Variants in MAPK10 observed in about 807,000 individuals in gnomAD.
MAPK10 encodes the protein JNK3 alpha protein kinase.
A neutral mutation model predicts 59.3 loss-of-function variants in MAPK10; 25 were observed. The ratio of observed to expected loss-of-function variants is 0.42; its 90% CI spans 0.31 to 0.59. MAPK10 has a LOEUF of 0.59. Ranked by LOEUF, MAPK10 falls within the 20% of genes least tolerant of loss-of-function variation. The pLI, the probability that MAPK10 is intolerant of heterozygous loss-of-function variation, is 0.15. For synonymous variants in MAPK10, 190 were observed against 200.5 expected (o/e 0.95, Z 0.44); for missense variants, 351 against 568.9 (o/e 0.62, Z 3.90).
At chr4:86,155,102 C>A (rs2067377560) in intron 4 of MAPK10, among the ~76,000 whole-genome samples, 1 of 151,966 alleles carries the variant, frequency 6.6e-6, no homozygotes, top group Admixed American at 6.6e-5. Flanking sequence ...AAATCAAATT[C>A]ATCATCAAAA....
At chr4:86,166,893 CAT>C (rs1285497710) in intron 3 of MAPK10, among the ~76,000 whole-genome samples, 1 of 151,750 alleles carries the variant, frequency 6.6e-6, no homozygotes, top group Non-Finnish European at 1.5e-5. Flanking sequence ...AATAGAAAAA[CAT>C]AGAGACACAA....
upstream of MAPK10, among the ~76,000 whole-genome samples, chr4:86,456,519 C>G (rs1395592695): frequency 6.6e-6 from 1 of 152,060 alleles, no homozygotes; most frequent in East Asian, 1.9e-4. Context: ...TTCAAGGCTA[C>G]TATGAACACC....
intron 1 of MAPK10, among the ~76,000 whole-genome samples, chr4:86,405,452 G>A (rs958634209): frequency 4.6e-5 from 7 of 152,022 alleles, no homozygotes; most frequent in Non-Finnish European, 8.8e-5. Flanking sequence ...AGTCCAAAGA[G>A]GTACCAGTAT....
At chr4:86,030,624 C>T (rs2038817687) in intron 12 of MAPK10, among the ~76,000 whole-genome samples, 1 of 152,158 alleles carries the variant, frequency 6.6e-6, no homozygotes, top group Non-Finnish European at 1.5e-5. Context: ...TGAGTCATCG[C>T]TCCTGGCCCT....
At chr4:86,439,010 C>T (rs1242473963) in intron 1 of MAPK10, among the ~76,000 whole-genome samples, 1 of 152,156 alleles carries the variant, frequency 6.6e-6, no homozygotes, top group Non-Finnish European at 1.5e-5. Context: ...TCGATGGCTG[C>T]AATGTGCATT....
At chr4:86,365,028 T>C (rs186130008), upstream of MAPK10, among the ~76,000 whole-genome samples, 9 of 152,300 alleles carry the variant, frequency 5.9e-5, no homozygotes, top group Non-Finnish European at 8.8e-5. Context: ...ATTGGGATTA[T>C]TATGTTTGTC....
At chr4:86,091,616 G>C (rs938442873) in intron 9 of MAPK10, 3 of 136,114 alleles carry the variant, frequency 2.2e-5, no homozygotes, top group Non-Finnish European at 3.1e-5. Flanking sequence ...ACAACAGATG[G>C]CCTAAATTAA....
At chr4:86,138,415 A>C (rs2062758531) in intron 4 of MAPK10, among the ~76,000 whole-genome samples, 3 of 116,540 alleles carry the variant, frequency 2.6e-5, no homozygotes, top group Admixed American at 1.0e-4. Context: ...CAGCATATAA[A>C]CAGAGCCAAA....
chr4:86,444,026 AT>A (rs199777883), intron 1 of MAPK10, among the ~76,000 whole-genome samples: 1 of 151,534 alleles, frequency 6.6e-6, no homozygotes, highest in Non-Finnish European at 1.5e-5. Context: ...GAAACTGAAA[AT>A]TTAAAAAAAA....
At chr4:86,309,255 C>A (rs890178191) in intron 2 of MAPK10, among the ~76,000 whole-genome samples, 1 of 152,062 alleles carries the variant, frequency 6.6e-6, no homozygotes, top group Non-Finnish European at 1.5e-5. Flanking sequence ...TAAAGCAGTC[C>A]CACATTCCCC....
At chr4:86,394,621 G>A (rs1295411154) in intron 1 of MAPK10, among the ~76,000 whole-genome samples, 1 of 152,072 alleles carries the variant, frequency 6.6e-6, no homozygotes, top group Admixed American at 6.6e-5. Flanking sequence ...AGAAGATAAA[G>A]TTCACTTGGA....
chr4:86,053,113 C>G (rs974847921), intron 11 of MAPK10, among the ~76,000 whole-genome samples: 1 of 152,094 alleles, frequency 6.6e-6, no homozygotes, highest in African/African-American at 2.4e-5. Flanking sequence ...TTAAAGTAAA[C>G]CTTTAGGAAC....
chr4:86,093,370 CAAG>C (rs1296522046), intron 9 of MAPK10, among the ~76,000 whole-genome samples: 1 of 151,686 alleles, frequency 6.6e-6, no homozygotes, highest in Non-Finnish European at 1.5e-5. Flanking sequence ...CACACAATAG[CAAG>C]AAGATTTAAT....
chr4:86,108,940 C>A (rs1362915692), intron 4 of MAPK10, among the ~76,000 whole-genome samples: 1 of 152,196 alleles, frequency 6.6e-6, no homozygotes, highest in Non-Finnish European at 1.5e-5. Flanking sequence ...CAGTCCCCTA[C>A]CATCACTTGT....
chr4:86,165,747 T>A (rs77880980), intron 3 of MAPK10, among the ~76,000 whole-genome samples: 1 of 151,682 alleles, frequency 6.6e-6, no homozygotes, highest in African/African-American at 2.4e-5. Flanking sequence ...TACTTAGTGA[T>A]ATTTAGGATT....
At chr4:86,547,421 G>A (rs1385715951) in intron 1 of MAPK10, among the ~76,000 whole-genome samples, 1 of 152,252 alleles carries the variant, frequency 6.6e-6, no homozygotes, top group Non-Finnish European at 1.5e-5. Context: ...GCCCGGGGCA[G>A]TGAGGGGTTT....
At chr4:86,267,290 G>A (rs139634518) in intron 2 of MAPK10, among the ~76,000 whole-genome samples, 197 of 152,170 alleles carry the variant, frequency 1.3e-3, no homozygotes, top group African/African-American at 4.6e-3. Flanking sequence ...CTAACAAAGC[G>A]TCAGAATCAA....
At chr4:86,411,819 A>G (rs1379337535) in intron 1 of MAPK10, among the ~76,000 whole-genome samples, 1 of 152,064 alleles carries the variant, frequency 6.6e-6, no homozygotes, top group Non-Finnish European at 1.5e-5. Context: ...GCTCTCTTAA[A>G]CACAGCACAC....
intron 2 of MAPK10, among the ~76,000 whole-genome samples, chr4:86,214,546 T>C (rs1582965001): frequency 7.8e-6 from 1 of 128,870 alleles, no homozygotes; most frequent in Admixed American, 7.7e-5. Flanking sequence ...CTGTTAGAAC[T>C]GATAAACAGA....
Sources: gnomAD v4.1 joint callset for allele counts (sites outside exome capture counted in the v4.1 genomes callset) on GRCh38, gnomAD v4.1.1 for gene constraint, MANE v1.5 for transcripts, NCBI Gene and HGNC (gene_info 2026-07-23, HGNC 2026-07-21) for gene names.